DMC1: variants seen among roughly 807,000 people sequenced by gnomAD.
The protein encoded by DMC1 is meiotic recombination protein DMC1 homolog.
DMC1 carries 27 observed loss-of-function variants against 50.1 expected under a neutral mutation model. The ratio of observed to expected loss-of-function variants is 0.54; its 90% CI spans 0.40 to 0.74. The LOEUF is 0.74. Among genes scored for constraint, DMC1 ranks in the 30% least tolerant of loss-of-function variants. The probability of loss-of-function intolerance (pLI) is 0.00; values close to 1 mark genes in which losing one functional copy is unlikely to be tolerated. For missense variants in DMC1, 295 were observed against 420.2 expected (o/e 0.70, Z 2.60); for synonymous variants, 148 against 136.1 (o/e 1.09, Z -0.61).
intron 1 of DMC1, among the ~76,000 whole-genome samples, chr22:38,568,711 T>C (rs945874936): frequency 6.6e-6 from 1 of 152,218 alleles, no homozygotes; most frequent in Non-Finnish European, 1.5e-5. Context: ...CATTCTTCCT[T>C]GTGTCCTCCC....
intron 12 of DMC1, among the ~76,000 whole-genome samples, chr22:38,527,220 T>G (rs1363974724): frequency 6.6e-6 from 1 of 152,186 alleles, no homozygotes; most frequent in African/African-American, 2.4e-5. Context: ...TTATTTTTTT[T>G]TTTAGACGGC....
At chr22:38,518,796 G>T (rs909728593), downstream of DMC1, among the ~76,000 whole-genome samples, 9 of 152,086 alleles carry the variant, frequency 5.9e-5, no homozygotes, top group Non-Finnish European at 1.2e-4. Context: ...GCCTCCCAAA[G>T]AGCTGGGATT....
chr22:38,510,621 A>G, the DMC1 span, among the ~76,000 whole-genome samples: 1 of 152,206 alleles, frequency 6.6e-6, no homozygotes, highest in Non-Finnish European at 1.5e-5. Flanking sequence ...TAGCTGCGTG[A>G]GTGAGCTATT....
At chr22:38,524,938 G>A (rs185356098) in intron 12 of DMC1, among the ~76,000 whole-genome samples, 2 of 152,220 alleles carry the variant, frequency 1.3e-5, no homozygotes, top group Non-Finnish European at 2.9e-5. Context: ...GCACATGCCC[G>A]TAATCCCAGC....
intron 4 of DMC1, among the ~76,000 whole-genome samples, chr22:38,563,995 C>G (rs956073418): frequency 2.0e-5 from 3 of 151,716 alleles, no homozygotes; most frequent in Non-Finnish European, 4.4e-5. Context: ...CCACCAGGCC[C>G]GGCCTCCACA....
Position 38,551,832 on chromosome 22 carries a change from G to T in DMC1, c.421+834C>A, listed in dbSNP as rs565201377. On this transcript the variant is annotated intron_variant, in intron 7 of 13. Coordinates refer to ENST00000216024, the MANE Select transcript of DMC1 (RefSeq NM_007068.4). Reference sequence around the variant, plus strand: ...ACGATAGAACCAGGATTGAAGTCCGGCATTTTGATTCCAGAACTCCTTTCT... The same window carrying T: ...ACGATAGAACCAGGATTGAAGTCCGTCATTTTGATTCCAGAACTCCTTTCT... 9.0e-4 allele frequency among the ~76,000 whole-genome samples: 136 copies of T among 150,890 alleles called. 1 individual carries two copies. The highest frequency in any genetic ancestry group is 1.5e-3 in the Non-Finnish European group (100 of 67,758).
intron 5 of DMC1, among the ~76,000 whole-genome samples, chr22:38,559,542 G>C (rs1248668055): frequency 6.6e-6 from 1 of 152,106 alleles, no homozygotes; most frequent in Non-Finnish European, 1.5e-5. Context: ...AGAATATATA[G>C]TATATGGTAC....
intron 5 of DMC1, among the ~76,000 whole-genome samples, chr22:38,556,390 G>A (rs1383357666): frequency 2.0e-5 from 3 of 152,050 alleles, no homozygotes; most frequent in Non-Finnish European, 2.9e-5. Flanking sequence ...CATCATGCCC[G>A]GCTTCAGTTT....
chr22:38,567,376 C>T (rs940267271), intron 3 of DMC1, among the ~76,000 whole-genome samples: 3 of 152,206 alleles, frequency 2.0e-5, no homozygotes, highest in African/African-American at 7.2e-5. Context: ...ATACACTTGA[C>T]AATGTCTGGA....
intron 6 of DMC1, among the ~76,000 whole-genome samples, chr22:38,553,497 CAAAAA>C (rs372645739): frequency 6.4e-5 from 3 of 46,998 alleles, no homozygotes; most frequent in Admixed American, 2.3e-4. Context: ...GACTCCGTCT[CAAAAA>C]AAAAAAAAAA....
chr22:38,524,898 C>T (rs1376654632), intron 12 of DMC1, among the ~76,000 whole-genome samples: 2 of 151,950 alleles, frequency 1.3e-5, no homozygotes, highest in African/African-American at 2.4e-5. Flanking sequence ...CCCGTCTCTA[C>T]TAAAAATACA....
intron 12 of DMC1, among the ~76,000 whole-genome samples, chr22:38,536,107 T>A (rs1251963659): frequency 6.6e-6 from 1 of 151,454 alleles, no homozygotes; most frequent in Non-Finnish European, 1.5e-5. Flanking sequence ...TCCCAGCTGC[T>A]CGGGAGGCTG....
At chr22:38,567,417 C>T (rs920082396) in intron 3 of DMC1, among the ~76,000 whole-genome samples, 166 bp downstream of exon 3, 2 of 152,174 alleles carry the variant, frequency 1.3e-5, no homozygotes, top group Admixed American at 6.5e-5. Context: ...TGCAGGGGTG[C>T]TACTGACATG....
chr22:38,548,162 A>G (rs11570417), intron 8 of DMC1, among the ~76,000 whole-genome samples: 4 of 152,046 alleles, frequency 2.6e-5, no homozygotes, highest in East Asian at 3.9e-4. Flanking sequence ...TTCTCTCTCT[A>G]TAAGTTCTCT....
chr22:38,560,161 C>A (rs5750621), intron 5 of DMC1, among the ~76,000 whole-genome samples: 3 of 151,974 alleles, frequency 2.0e-5, no homozygotes, highest in African/African-American at 7.2e-5. Flanking sequence ...GGAGGTTATA[C>A]TGTCAAATAA....
chr22:38,549,752 C>G, intron 8 of DMC1, 173 bp downstream of exon 8: 1 of 603,920 alleles, frequency 1.7e-6, no homozygotes, highest in Non-Finnish European at 3.0e-6. Flanking sequence ...AGTGAAACCT[C>G]ATTAAATACA....
intron 12 of DMC1, among the ~76,000 whole-genome samples, chr22:38,527,051 A>G (rs1203764866): frequency 6.6e-6 from 1 of 152,146 alleles, no homozygotes; most frequent in Admixed American, 6.6e-5. Context: ...AAAACCTCTC[A>G]GGTGACAGCA....
chr22:38,532,989 T>A (rs969224393), intron 12 of DMC1, among the ~76,000 whole-genome samples: 5 of 152,326 alleles, frequency 3.3e-5, no homozygotes, highest in African/African-American at 1.2e-4. Flanking sequence ...AAATATTCAT[T>A]GAGTGAATAA....
At chr22:38,544,672 C>A (rs1017981233) in intron 8 of DMC1, among the ~76,000 whole-genome samples, 1 of 151,528 alleles carries the variant, frequency 6.6e-6, no homozygotes, top group Non-Finnish European at 1.5e-5. Flanking sequence ...TGTCCCCAGG[C>A]TGGAGTGCAG....
Sources: allele counts gnomAD v4.1 joint callset (sites outside exome capture counted in the v4.1 genomes callset), GRCh38; gene constraint gnomAD v4.1.1; transcripts MANE v1.5; gene names NCBI Gene and HGNC (gene_info 2026-07-23, HGNC 2026-07-21).